Variants in TRABD2B observed in about 807,000 individuals in gnomAD.
TRABD2B encodes the protein TraB domain containing 2B.
A neutral mutation model predicts 40.1 loss-of-function variants in TRABD2B; 14 were observed. That is an observed-to-expected ratio of 0.35 (90% confidence interval 0.23 to 0.55). The LOEUF (loss-of-function observed/expected upper bound fraction) is 0.55, where lower values mean the gene tolerates loss of function less well. Among genes scored for constraint, TRABD2B ranks in the 20% least tolerant of loss-of-function variants. The probability of loss-of-function intolerance (pLI) is 0.90; values close to 1 mark genes in which losing one functional copy is unlikely to be tolerated. For missense variants in TRABD2B, 541 were observed against 648.6 expected (o/e 0.83, Z 1.80); for synonymous variants, 263 against 277.0 (o/e 0.95, Z 0.50).
chr1:47,830,581 T>A (rs1249481553), intron 2 of TRABD2B, among the ~76,000 whole-genome samples: 2 of 152,200 alleles, frequency 1.3e-5, no homozygotes, highest in Non-Finnish European at 2.9e-5. Flanking sequence ...TTAAACAATG[T>A]AAGAGTGGTG....
intron 2 of TRABD2B, among the ~76,000 whole-genome samples, chr1:47,951,771 T>C (rs548113991): frequency 2.8e-4 from 42 of 152,286 alleles, no homozygotes; most frequent in Admixed American, 1.1e-3. Flanking sequence ...ATCTGCACAG[T>C]CCTCTGAAAC....
At chr1:47,816,721 G>GT (rs1313774455) in intron 2 of TRABD2B, among the ~76,000 whole-genome samples, 1 of 152,114 alleles carries the variant, frequency 6.6e-6, no homozygotes, top group Non-Finnish European at 1.5e-5. Flanking sequence ...ACTTATAATG[G>GT]TTTGTCTTTA....
intron 2 of TRABD2B, among the ~76,000 whole-genome samples, chr1:47,978,484 CA>C (rs1645792358): frequency 6.6e-6 from 1 of 152,328 alleles, no homozygotes; most frequent in African/African-American, 2.4e-5. Context: ...AAACCGGAAA[CA>C]AGGCAACCCA....
At chr1:47,827,258 C>T (rs1248565978) in intron 2 of TRABD2B, among the ~76,000 whole-genome samples, 2 of 152,206 alleles carry the variant, frequency 1.3e-5, no homozygotes, top group East Asian at 3.9e-4. Context: ...CTCAGGGCTC[C>T]GGAAACATGA....
chr1:47,896,885 A>G (rs1016688350), intron 2 of TRABD2B, among the ~76,000 whole-genome samples: 3 of 152,196 alleles, frequency 2.0e-5, no homozygotes, highest in African/African-American at 7.2e-5. Context: ...GTAGTTGCAC[A>G]TAGTAGGCTC....
chr1:47,866,928 G>C (rs938550636), intron 2 of TRABD2B, among the ~76,000 whole-genome samples: 9 of 152,204 alleles, frequency 5.9e-5, no homozygotes, highest in Non-Finnish European at 1.3e-4. Context: ...GCTGCAACCA[G>C]CTAGACCTCC....
intron 2 of TRABD2B, among the ~76,000 whole-genome samples, chr1:47,805,679 A>G (rs1195898668): frequency 2.0e-5 from 3 of 152,194 alleles, no homozygotes; most frequent in Non-Finnish European, 2.9e-5. Flanking sequence ...CAATTTATAA[A>G]GAAGTCTTCA....
chr1:47,920,368 T>C (rs1644885768), intron 2 of TRABD2B, among the ~76,000 whole-genome samples: 1 of 152,224 alleles, frequency 6.6e-6, no homozygotes, highest in African/African-American at 2.4e-5. Flanking sequence ...TTTAAGACCA[T>C]GGCCTCTCCT....
At chr1:47,775,569 G>A (rs1052640267) in intron 5 of TRABD2B, 130 bp from the exon 6 acceptor site, 9 of 949,980 alleles carry the variant, frequency 9.5e-6, no homozygotes, top group South Asian at 1.1e-4. Flanking sequence ...TGCTGGGCCC[G>A]GTGACAGCAG....
At chr1:47,812,689 A>G (rs537592374) in intron 2 of TRABD2B, among the ~76,000 whole-genome samples, 2 of 152,350 alleles carry the variant, frequency 1.3e-5, no homozygotes, top group African/African-American at 4.8e-5. Context: ...ACTATACTGC[A>G]GCCTGGGCAA....
At chr1:47,805,651 C>T (rs937287209) in intron 2 of TRABD2B, among the ~76,000 whole-genome samples, 2 of 152,182 alleles carry the variant, frequency 1.3e-5, no homozygotes, top group African/African-American at 4.8e-5. Context: ...ACACCTCCTG[C>T]CCCGTACCAT....
intron 2 of TRABD2B, among the ~76,000 whole-genome samples, chr1:47,973,086 A>G (rs1645704616): frequency 6.6e-6 from 1 of 152,248 alleles, no homozygotes; most frequent in Non-Finnish European, 1.5e-5. Flanking sequence ...ATACTTGTTG[A>G]CAGACTTTAC....
intron 2 of TRABD2B, among the ~76,000 whole-genome samples, chr1:47,963,853 C>A (rs191834262): frequency 2.6e-4 from 40 of 152,276 alleles, no homozygotes; most frequent in Non-Finnish European, 5.0e-4. Flanking sequence ...GAGTTTACTG[C>A]GCTGACTCTC....
At chr1:47,870,208 A>T (rs1037394482) in intron 2 of TRABD2B, among the ~76,000 whole-genome samples, 1 of 152,106 alleles carries the variant, frequency 6.6e-6, no homozygotes, top group African/African-American at 2.4e-5. Flanking sequence ...GGAAGTAGAG[A>T]TGGGGGTTAG....
rs113768597 is a variant in TRABD2B, at chr1:47,967,844, C to T, written c.666+26190G>A. Reference sequence around the variant, plus strand: ...GCTGCTGTACACAATAAACATACTTCTATAAACTTTTCATCCAACATGGTT... The same window carrying T: ...GCTGCTGTACACAATAAACATACTTTTATAAACTTTTCATCCAACATGGTT... On this transcript the variant is annotated intron_variant, in intron 2 of 6. Transcript: ENST00000606738. Among the ~76,000 whole-genome samples the T allele has an allele frequency of 1.4e-3, 209 of 152,340 alleles. 1 individual carries two copies. Among genetic ancestry groups the T allele is most frequent in the African/African-American group, 4.8e-3 (200 of 41,572 alleles).
intron 2 of TRABD2B, among the ~76,000 whole-genome samples, chr1:47,987,844 AG>A (rs138371842): frequency 0.032 from 4,820 of 152,278 alleles, 272 homozygotes; most frequent in African/African-American, 0.11. Context: ...CCGAAGCACA[AG>A]GTGAAGGTCG....
chr1:47,932,093 T>A (rs1252919995), intron 2 of TRABD2B, among the ~76,000 whole-genome samples: 1 of 152,186 alleles, frequency 6.6e-6, no homozygotes, highest in African/African-American at 2.4e-5. Flanking sequence ...ATGAACATGT[T>A]AAATTTAAGA....
chr1:47,882,844 G>C (rs2124629588), intron 2 of TRABD2B, among the ~76,000 whole-genome samples: 2 of 152,166 alleles, frequency 1.3e-5, no homozygotes, highest in Middle Eastern at 6.8e-3. Flanking sequence ...GAGGAAGGAG[G>C]CACCTGGAGG....
rs565594530 is a variant in TRABD2B at position 47,813,617 on chromosome 1, T to C, written c.667-11998A>G. On this transcript the variant is annotated intron_variant, in intron 2 of 6. Coordinates refer to ENST00000606738, the MANE Select transcript of TRABD2B (RefSeq NM_001194986.2). The surrounding 1 kb of genome is among the most constrained non-coding windows in gnomAD (Gnocchi z 4.3). ...GCTTACCCATCTGCCAAGTGGGGTG[T>C]ATATTTGTCCTGCCTGCTTGAGACT... Among the ~76,000 whole-genome samples the C allele has an allele frequency of 3.3e-5, 5 of 152,192 alleles. No homozygotes were observed. Among genetic ancestry groups the C allele is most frequent in the Non-Finnish European group, 7.3e-5 (5 of 68,032 alleles).
Sources: allele counts gnomAD v4.1 joint callset (sites outside exome capture counted in the v4.1 genomes callset), GRCh38; gene constraint gnomAD v4.1.1; non-coding constraint Gnocchi (gnomAD v3.1); transcripts MANE v1.5; gene names NCBI Gene and HGNC (gene_info 2026-07-23, HGNC 2026-07-21).